PHKA1: variants seen among roughly 807,000 people sequenced by gnomAD.
PHKA1 encodes phosphorylase b kinase regulatory subunit alpha, skeletal muscle isoform.
Under a neutral mutation model 110.2 loss-of-function variants are expected in PHKA1, and 60 were observed. That is an observed-to-expected ratio of 0.54 (90% CI 0.44 to 0.68). The LOEUF is 0.68. Among genes scored for constraint, PHKA1 ranks in the 30% least tolerant of loss-of-function variants. The pLI is 0.00. For missense variants in PHKA1, 801 were observed against 942.5 expected, an observed-to-expected ratio of 0.85 and a Z score of 1.97; for synonymous variants, 316 against 333.6, an observed-to-expected ratio of 0.95 and a Z score of 0.58.
At chrX:72,675,506 C>A (rs2053768522) in intron 6 of PHKA1, among the ~76,000 whole-genome samples, 1 of 111,272 alleles carries the variant, frequency 9.0e-6, no homozygotes, top group Non-Finnish European at 1.9e-5. Flanking sequence ...ATTAGTAGGA[C>A]AGACTAAATC....
chrX:72,622,760 A>C (rs2052998365), intron 18 of PHKA1: 1 of 736,213 alleles, frequency 1.4e-6, no homozygotes, highest in African/African-American at 2.3e-5. Context: ...GTCAAAAAGC[A>C]GTACTGTATA....
chrX:72,614,251 G>A (rs920004531), intron 21 of PHKA1, among the ~76,000 whole-genome samples: 1 of 110,423 alleles, frequency 9.1e-6, no homozygotes, highest in Non-Finnish European at 1.9e-5. Flanking sequence ...AATAATATGC[G>A]TGTGTGATTG....
chrX:72,670,189 G>A (rs1404622633), intron 6 of PHKA1, among the ~76,000 whole-genome samples: 1 of 111,680 alleles, frequency 9.0e-6, no homozygotes, highest in African/African-American at 3.3e-5. Flanking sequence ...TTTGAGAAGT[G>A]TCTGTTCATA....
intron 4 of PHKA1, among the ~76,000 whole-genome samples, chrX:72,685,694 G>A (rs1481394776): frequency 1.8e-5 from 2 of 111,482 alleles, no homozygotes; most frequent in African/African-American, 6.5e-5. Flanking sequence ...GAAAGACTTG[G>A]TTTGGACTAT....
chrX:72,656,894 A>G (rs2053503324), intron 9 of PHKA1, among the ~76,000 whole-genome samples: 1 of 111,849 alleles, frequency 8.9e-6, no homozygotes, highest in Non-Finnish European at 1.9e-5. Context: ...ATTTTAGTAC[A>G]CTGATAGGGG....
Position 72,620,866 on chromosome X carries a change from G to A in PHKA1, c.1996C>T (p.His666Tyr). ...CGDEVARYLD[H>Y]LLAHTAPHPK... ...TGGGGAGCAGTGTGCGCCAAAAGGTGATCTAAATAACGAGCAACTTCATCA... is the reference window on the plus strand; with the variant it reads ...TGGGGAGCAGTGTGCGCCAAAAGGTAATCTAAATAACGAGCAACTTCATCA... The change falls in exon 19 of 32, where the codon CAC (histidine) becomes TAC (tyrosine). Residue 666 changes from histidine to tyrosine, a missense_variant. His to Tyr is a moderately conservative substitution (Grantham distance 83). This residue lies in a region of PHKA1 where 502 missense variants were observed against 519.2 expected (regional missense o/e 0.97). Transcript: ENST00000373542. 8.3e-7 allele frequency: 1 copy of A among 1,211,001 alleles called. No individual in the cohort carries two copies. Among genetic ancestry groups the A allele is most frequent in the Non-Finnish European group, 1.1e-6 (1 of 895,297 alleles).
At chrX:72,654,198 G>A (rs2053463711) in intron 10 of PHKA1, among the ~76,000 whole-genome samples, 2 of 111,958 alleles carry the variant, frequency 1.8e-5, no homozygotes, top group Admixed American at 1.9e-4. Flanking sequence ...TACTGAGAAT[G>A]TACTCAGCTG....
chrX:72,583,735 A>C lies in PHKA1; in HGVS notation c.3297+514T>G, dbSNP rs1286127930. Among the ~76,000 whole-genome samples, 4 of 112,552 alleles carry C rather than the reference A, an allele frequency of 3.6e-5. No homozygotes were observed. The Admixed American group carries it at 3.8e-4, about 11-fold the overall frequency. ...ATAATCTATGTCTGTGGTTCATGGT[A>C]ATATTTTCCAACCACGGTTATATAT... On this transcript the variant is annotated intron_variant, in intron 30 of 31. Transcript: ENST00000373542.
chrX:72,690,142 T>C (rs1447344135), intron 4 of PHKA1, among the ~76,000 whole-genome samples: 1 of 111,908 alleles, frequency 8.9e-6, no homozygotes, highest in Non-Finnish European at 1.9e-5. Flanking sequence ...TTTTCTTCTA[T>C]ACTATTGGTT....
intron 17 of PHKA1, among the ~76,000 whole-genome samples, chrX:72,625,681 A>G (rs1436941429): frequency 9.0e-6 from 1 of 111,293 alleles, no homozygotes; most frequent in Non-Finnish European, 1.9e-5. Context: ...TGTTTGAGAA[A>G]TCTCCAAACT....
chrX:72,653,366 T>G, intron 11 of PHKA1, 69 bp downstream of exon 11: 49 of 657,718 alleles, frequency 7.4e-5, no homozygotes, highest in Non-Finnish European at 1.2e-4. Context: ...TTGACTCAAA[T>G]GAGGTAGTCT....
rs371007502 is a variant in PHKA1, at chrX:72,712,890, A to G, written c.126T>C (p.Ala42=). The G allele has an allele frequency of 5.0e-6, 6 of 1,209,799 alleles. No homozygotes were observed. In the African/African-American group the frequency reaches 7.0e-5, roughly 14 times the overall value. ...TGCTGTACACATTATCTCGGACCCA[A>G]GCATCTTTCTGATCATAGCTGGCTG... is the stretch of plus-strand genomic sequence containing the variant. ...LLPASYDQKD[A]WVRDNVYSIL... The change falls in exon 2 of 32, where the codon GCT becomes GCC. Residue 42 remains alanine (A), a synonymous_variant. Transcript: ENST00000373542.
intron 1 of PHKA1, 21 bp downstream of exon 1, chrX:72,713,782 G>A: frequency 1.7e-6 from 2 of 1,163,178 alleles, no homozygotes; most frequent in Non-Finnish European, 2.3e-6. Context: ...CGGTGATTAC[G>A]AGAGACACCC....
intron 25 of PHKA1, among the ~76,000 whole-genome samples, chrX:72,604,704 T>C (rs1346957997): frequency 8.9e-6 from 1 of 111,938 alleles, no homozygotes; most frequent in Admixed American, 9.5e-5. Context: ...GGGTCCATTG[T>C]TCCCCTTCAC....
intron 29 of PHKA1, among the ~76,000 whole-genome samples, chrX:72,588,983 C>T (rs782572712): frequency 3.6e-5 from 4 of 111,714 alleles, no homozygotes; most frequent in Admixed American, 9.5e-5. Flanking sequence ...GATTCACAGC[C>T]GAATTCTACC....
In PHKA1 at chrX:72,611,138, C is replaced by T. The variant is rs782457505; in HGVS notation, c.2416G>A (p.Val806Met). ...TACAGCTCGGTAAGAAGCTCTCTCACTGTAGCACTCCGTTCATTATACAAT... is the reference window on the plus strand; with the variant it reads ...TACAGCTCGGTAAGAAGCTCTCTCATTGTAGCACTCCGTTCATTATACAAT... ...TELYNERSAT[V>M]RELLTELYGK... Residue 806 changes from valine to methionine, a missense_variant, in exon 22 of 32, where the codon GTG becomes ATG. This residue lies in a region of PHKA1 where 502 missense variants were observed against 519.2 expected (regional missense o/e 0.97). Transcript: ENST00000373542. 2.5e-6 allele frequency: 3 copies of T among 1,205,915 alleles called. No homozygotes were observed. In the South Asian group the frequency reaches 5.3e-5, roughly 21 times the overall value.
chrX:72,630,161 AG>A (rs1471432143), intron 16 of PHKA1, among the ~76,000 whole-genome samples: 1 of 111,167 alleles, frequency 9.0e-6, no homozygotes, highest in Non-Finnish European at 1.9e-5. Context: ...CTGAGGTAGG[AG>A]AATCACTTGA....
Position 72,580,811 on chromosome X carries a change from T to C in PHKA1, c.*191A>G. 1 of 464,288 alleles carries C rather than the reference T, an allele frequency of 2.2e-6. No homozygotes were observed. Among genetic ancestry groups the C allele is most frequent in the Non-Finnish European group, 3.8e-6 (1 of 262,079 alleles). The allele number at this position is 464,288 out of a possible 1,213,427, so 38.3% of individuals were successfully genotyped here. ...TAAGATTGTCACTGGTTCTGCAAGG[T>C]GAGCCTCCAGGTAAGTGTTCACTTC... On this transcript the variant is annotated 3_prime_UTR_variant, in exon 32 of 32. Coordinates refer to ENST00000373542, the MANE Select transcript of PHKA1 (RefSeq NM_002637.4).
chrX:72,626,905 G>A, intron 17 of PHKA1, 66 bp downstream of exon 17: 1 of 831,908 alleles, frequency 1.2e-6, no homozygotes, highest in Non-Finnish European at 1.8e-6. Context: ...TCACAGGTAT[G>A]CCACTACTAT....
Sources: allele counts gnomAD v4.1 joint callset (sites outside exome capture counted in the v4.1 genomes callset), GRCh38; gene constraint gnomAD v4.1.1; regional missense constraint gnomAD v4.1.1; transcripts MANE v1.5; gene names NCBI Gene and HGNC (gene_info 2026-07-23, HGNC 2026-07-21).